PACRGL: variants seen among roughly 807,000 people sequenced by gnomAD.
PACRGL encodes PACRG-like protein.
A neutral mutation model predicts 34.5 loss-of-function variants in PACRGL; 38 were observed. The ratio of observed to expected loss-of-function variants is 1.10; its 90% confidence interval spans 0.85 to 1.44. The LOEUF is 1.44. Among genes scored for constraint, PACRGL ranks in the 40% most tolerant of loss-of-function variants. The pLI is 0.00. For synonymous variants in PACRGL, 128 were observed against 100.1 expected (o/e 1.28, Z -1.66); for missense variants, 305 against 281.4 (o/e 1.08, Z -0.60).
At chr4:20,757,014 A>C (rs1170152593), downstream of PACRGL, among the ~76,000 whole-genome samples, 1 of 152,048 alleles carries the variant, frequency 6.6e-6, no homozygotes, top group Non-Finnish European at 1.5e-5. Flanking sequence ...TCTGAGCCTC[A>C]CATTTGTGCC....
At chr4:20,735,534 T>G (rs979830192), downstream of PACRGL, among the ~76,000 whole-genome samples, 3 of 39,722 alleles carry the variant, frequency 7.6e-5, no homozygotes, top group Admixed American at 6.3e-4. Flanking sequence ...TTTTTTGTTT[T>G]TTTTTTTTTT....
chr4:20,742,006 A>C (rs1053120282), intron 8 of PACRGL, among the ~76,000 whole-genome samples: 2 of 152,214 alleles, frequency 1.3e-5, no homozygotes, highest in African/African-American at 4.8e-5. Flanking sequence ...ACACCCTCCC[A>C]AGACTAAACC....
intron 8 of PACRGL, among the ~76,000 whole-genome samples, chr4:20,750,424 TATGAAGTTGC>T (rs1199329174): frequency 6.6e-6 from 1 of 152,114 alleles, no homozygotes; most frequent in Non-Finnish European, 1.5e-5. Context: ...TTCCTAGTTG[TATGAAGTTGC>T]ATGAAGTAGG....
chr4:20,715,146 C>A (rs1739246323), intron 7 of PACRGL, among the ~76,000 whole-genome samples: 1 of 152,086 alleles, frequency 6.6e-6, no homozygotes, highest in South Asian at 2.1e-4. Flanking sequence ...AACTGGAAAT[C>A]ATCATTCTCA....
rs781507318 is a variant in PACRGL at position 20,727,441 on chromosome 4, A to G, written c.*100A>G. On this transcript the variant is annotated 3_prime_UTR_variant, in exon 9 of 9. Transcript: ENST00000503585. Reference sequence around the variant, plus strand: ...TATTCTTTTGTAAATCACAGCCACCATTCATTATTTACTAGGTTAAGATGA... The same window carrying G: ...TATTCTTTTGTAAATCACAGCCACCGTTCATTATTTACTAGGTTAAGATGA... 4 of 990,906 alleles carry G rather than the reference A, an allele frequency of 4.0e-6. No individual in the cohort carries two copies. Among genetic ancestry groups the G allele is most frequent in the Non-Finnish European group, 6.2e-6 (4 of 644,304 alleles). 61.4% of individuals were successfully genotyped at this position (990,906 alleles called of 1,614,324 possible).
chr4:20,716,273 C>T (rs1464956505), intron 7 of PACRGL: 2 of 650,992 alleles, frequency 3.1e-6, no homozygotes, highest in East Asian at 5.5e-5. Flanking sequence ...GGGCAGGGTC[C>T]ATGAGAGACC....
chr4:20,721,741 G>A (rs1026484821), intron 7 of PACRGL, among the ~76,000 whole-genome samples: 10 of 152,196 alleles, frequency 6.6e-5, no homozygotes, highest in Admixed American at 4.6e-4. Context: ...CCCTACTGGG[G>A]GGTGCCTCTC....
intron 8 of PACRGL, among the ~76,000 whole-genome samples, chr4:20,738,059 G>A (rs1750090625): frequency 6.6e-6 from 1 of 152,004 alleles, no homozygotes. Flanking sequence ...GAGCCCAGAA[G>A]GTCGAGGCTA....
At chr4:20,752,597 A>C (rs954593273) in exon 9 of PACRGL, 2 of 152,170 alleles carry the variant, frequency 1.3e-5, no homozygotes, top group Non-Finnish European at 2.9e-5. Flanking sequence ...GACGAGTTCT[A>C]ATTTAATGCA....
Position 20,730,026 on chromosome 4 carries a change from T to TAA in PACRGL, c.*2686_*2687dup, listed in dbSNP as rs1747576202. The TAA allele has an allele frequency of 6.4e-7, 1 of 1,555,882 alleles. No individual in the cohort carries two copies. Among genetic ancestry groups the TAA allele is most frequent in the Non-Finnish European group, 8.7e-7 (1 of 1,154,166 alleles). On this transcript the variant is annotated 3_prime_UTR_variant, in exon 9 of 9. Coordinates refer to ENST00000503585, the MANE Select transcript of PACRGL (RefSeq NM_001258345.3). Reference sequence around the variant, plus strand: ...ATGCTAAAAGTGGTAGCTCCAACTTTAAGGGTGGTAGAATAGTTCACATTT... The same window carrying TAA: ...ATGCTAAAAGTGGTAGCTCCAACTTTAAAAGGGTGGTAGAATAGTTCACATTT...
intron 1 of PACRGL, 129 bp from the exon 2 acceptor site, chr4:20,704,337 T>C: frequency 1.4e-6 from 1 of 712,644 alleles, no homozygotes; most frequent in Non-Finnish European, 2.3e-6. Flanking sequence ...TCCAGTATTT[T>C]GCTCCATATC....
chr4:20,749,120 T>C (rs1753082467), intron 8 of PACRGL, among the ~76,000 whole-genome samples: 1 of 148,374 alleles, frequency 6.7e-6, no homozygotes, highest in Non-Finnish European at 1.5e-5. Flanking sequence ...ATTGTGCCAC[T>C]GCACTCCAGC....
At chr4:20,764,568 A>G in the PACRGL span, among the ~76,000 whole-genome samples, 2 of 152,102 alleles carry the variant, frequency 1.3e-5, no homozygotes, top group Admixed American at 6.6e-5. Flanking sequence ...AGCTCTTTCT[A>G]TGCACAGTCA....
At chr4:20,712,602 A>C in intron 5 of PACRGL, 186 bp from the exon 6 acceptor site, 3 of 486,880 alleles carry the variant, frequency 6.2e-6, no homozygotes, top group Non-Finnish European at 9.9e-6. Context: ...CCCTTGGGAT[A>C]CCAAGGGACC....
At chr4:20,716,166 G>A (rs1197415735) in intron 7 of PACRGL, 1 of 1,312,456 alleles carries the variant, frequency 7.6e-7, no homozygotes, top group Non-Finnish European at 1.1e-6. Context: ...TTTGCCAGAA[G>A]GATCCATGGA....
chr4:20,730,003 G>C lies in PACRGL; in HGVS notation c.*2662G>C. 1 of 1,510,608 alleles carries C rather than the reference G, an allele frequency of 6.6e-7. No homozygotes were observed. The allele number at this position is 1,510,608 out of a possible 1,614,324, so 93.6% of individuals were successfully genotyped here. A position where few individuals can be genotyped will look rare whatever the true frequency, so the allele number is the denominator to read the frequency against. Reference sequence around the variant, plus strand: ...TTCAGTGTCAAGCTGAGCAATCTATGCTAAAAGTGGTAGCTCCAACTTTAA... The same window carrying C: ...TTCAGTGTCAAGCTGAGCAATCTATCCTAAAAGTGGTAGCTCCAACTTTAA... On this transcript the variant is annotated 3_prime_UTR_variant, in exon 9 of 9. Coordinates refer to ENST00000503585, the MANE Select transcript of PACRGL (RefSeq NM_001258345.3).
chr4:20,758,243 C>G, the PACRGL span, among the ~76,000 whole-genome samples: 1 of 152,006 alleles, frequency 6.6e-6, no homozygotes, highest in Non-Finnish European at 1.5e-5. Context: ...GTTTTCTTTC[C>G]AATTAAAATA....
chr4:20,701,037 T>C (rs954118931), intron 1 of PACRGL, among the ~76,000 whole-genome samples: 5 of 152,166 alleles, frequency 3.3e-5, no homozygotes, highest in East Asian at 3.9e-4. Context: ...TAAGTGACTA[T>C]TGGGCTCTGG....
At chr4:20,754,719 T>A (rs983832451), downstream of PACRGL, among the ~76,000 whole-genome samples, 1 of 152,176 alleles carries the variant, frequency 6.6e-6, no homozygotes, top group Admixed American at 6.5e-5. Flanking sequence ...TCCCTTTGGA[T>A]TTTGTGATAG....
Sources: gnomAD v4.1 joint callset for allele counts (sites outside exome capture counted in the v4.1 genomes callset) on GRCh38, gnomAD v4.1.1 for gene constraint, MANE v1.5 for transcripts, NCBI Gene and HGNC (gene_info 2026-07-23, HGNC 2026-07-21) for gene names.